The following DCC variants were observed in gnomAD, a reference collection of about 807,000 sequenced individuals.
DCC encodes the protein DCC netrin 1 receptor.
A neutral mutation model predicts 172.5 loss-of-function variants in DCC; 58 were observed. The ratio of observed to expected loss-of-function variants is 0.34; its 90% CI spans 0.27 to 0.42. The LOEUF (loss-of-function observed/expected upper bound fraction) is 0.42, where lower values mean the gene tolerates loss of function less well. Ranked by LOEUF, DCC falls within the 10% of genes least tolerant of loss-of-function variation. The probability of loss-of-function intolerance (pLI) is 1.00; values close to 1 mark genes in which losing one functional copy is unlikely to be tolerated. For missense variants in DCC, 1,740 were observed against 1,791.0 expected (o/e 0.97, Z 0.51); for synonymous variants, 709 against 644.5 (o/e 1.10, Z -1.52).
intron 2 of DCC, among the ~76,000 whole-genome samples, chr18:52,883,440 T>C (rs1052758202): frequency 6.6e-6 from 1 of 151,164 alleles, no homozygotes; most frequent in African/African-American, 2.4e-5. Context: ...TCTCTAGTGA[T>C]ATATTTTCTT....
intron 15 of DCC, among the ~76,000 whole-genome samples, chr18:53,341,092 G>A (rs181702341): frequency 9.8e-4 from 150 of 152,290 alleles, no homozygotes; most frequent in African/African-American, 3.5e-3. Context: ...TCCTGAGTTT[G>A]AATGTAAAGG....
At chr18:52,999,457 C>T (rs78328188) in intron 5 of DCC, among the ~76,000 whole-genome samples, 3,408 of 152,052 alleles carry the variant, frequency 0.022, 61 homozygotes, top group Admixed American at 0.039. Flanking sequence ...GGCTTCTGTG[C>T]GGATGGAGCA....
intron 1 of DCC, among the ~76,000 whole-genome samples, chr18:52,471,550 T>G (rs2144561612): frequency 6.6e-6 from 1 of 152,326 alleles, no homozygotes; most frequent in East Asian, 1.9e-4. Context: ...TTATTCTTCT[T>G]AAGAAACTTA....
intron 2 of DCC, among the ~76,000 whole-genome samples, chr18:52,872,813 G>T (rs1230503559): frequency 6.6e-6 from 1 of 152,096 alleles, no homozygotes; most frequent in African/African-American, 2.4e-5. Context: ...TAAAGAGAGG[G>T]CTTTGATCAC....
chr18:52,772,055 T>C (rs370227387), intron 2 of DCC, among the ~76,000 whole-genome samples: 146 of 152,144 alleles, frequency 9.6e-4, no homozygotes, highest in African/African-American at 3.5e-3. Context: ...TTTTTCCTAA[T>C]GTGGTTGTTT....
chr18:52,749,720 T>C (rs1256255992), intron 1 of DCC, among the ~76,000 whole-genome samples: 1 of 152,226 alleles, frequency 6.6e-6, no homozygotes, highest in Non-Finnish European at 1.5e-5. Flanking sequence ...TGGGCACATA[T>C]GCTCATTAAC....
chr18:53,519,302 G>A (rs1168657025), intron 27 of DCC, among the ~76,000 whole-genome samples: 1 of 151,994 alleles, frequency 6.6e-6, no homozygotes, highest in Non-Finnish European at 1.5e-5. Flanking sequence ...ATTTATTTGA[G>A]CACTCATTAA....
chr18:52,520,268 GGTCAAGACATTTCCTATGA>G (rs2031771023), intron 1 of DCC, among the ~76,000 whole-genome samples: 1 of 152,154 alleles, frequency 6.6e-6, no homozygotes, highest in African/African-American at 2.4e-5. Flanking sequence ...TCCTATGAAT[GGTCAAGACATTTCCTATGA>G]ATGGTCACTC....
chr18:52,453,497 G>T lies in DCC; in HGVS notation c.91+112619G>T, dbSNP rs140038523. Among the ~76,000 whole-genome samples the T allele has an allele frequency of 1.9e-3, 291 of 152,182 alleles. 1 individual carries two copies. Among genetic ancestry groups the T allele is most frequent in the African/African-American group, 6.8e-3 (282 of 41,518 alleles). On this transcript the variant is annotated intron_variant, in intron 1 of 28. Coordinates refer to ENST00000442544, the MANE Select transcript of DCC (RefSeq NM_005215.4). ...TCTTCATTAGTGGCTACCCATAAAA[G>T]GTTTTCATTACAAGATAAATGATTA... is the stretch of plus-strand genomic sequence containing the variant.
chr18:52,749,303 C>G (rs192231978), intron 1 of DCC, among the ~76,000 whole-genome samples: 1 of 152,186 alleles, frequency 6.6e-6, no homozygotes, highest in Admixed American at 6.5e-5. Flanking sequence ...GAACCAGCAG[C>G]CCAGTTTTCA....
chr18:52,582,369 T>C (rs2033568886), intron 1 of DCC, among the ~76,000 whole-genome samples: 1 of 152,194 alleles, frequency 6.6e-6, no homozygotes. Flanking sequence ...CATGCTGATG[T>C]AAAAAGTAGT....
rs2057938936 is a variant in DCC at position 53,361,001 on chromosome 18, T to A, written c.2359+21094T>A. Reference sequence around the variant, plus strand: ...TAGATGGAAAAGGGGTCTTAGCAGATGTCAATAAGTTAAGGAAGTCTAGAT... The same window carrying A: ...TAGATGGAAAAGGGGTCTTAGCAGAAGTCAATAAGTTAAGGAAGTCTAGAT... On this transcript the variant is annotated intron_variant, in intron 15 of 28. Transcript: ENST00000442544. Among the ~76,000 whole-genome samples the A allele has an allele frequency of 3.3e-5, 5 of 152,194 alleles. 1 individual carries two copies. In the South Asian group the frequency reaches 1.0e-3, roughly 32 times the overall value.
intron 1 of DCC, among the ~76,000 whole-genome samples, chr18:52,747,112 T>C (rs78927416): frequency 2.9e-3 from 436 of 152,230 alleles, no homozygotes; most frequent in East Asian, 0.021. Context: ...TTTAGAAATC[T>C]TCCCAAACCA....
chr18:53,312,153 C>CAAAA (rs895203731), intron 13 of DCC, among the ~76,000 whole-genome samples: 2 of 26,732 alleles, frequency 7.5e-5, no homozygotes, highest in African/African-American at 1.7e-4. Context: ...GCTAAAAATA[C>CAAAA]AAAAAAAAAA....
chr18:52,382,845 A>T (rs1257642104), intron 1 of DCC, among the ~76,000 whole-genome samples: 3 of 152,030 alleles, frequency 2.0e-5, no homozygotes, highest in Non-Finnish European at 4.4e-5. Flanking sequence ...CCTGTGTAGG[A>T]GGCAATCCAG....
chr18:52,487,810 C>CA (rs5824940), intron 1 of DCC, among the ~76,000 whole-genome samples: 34,002 of 74,246 alleles, frequency 0.46, 9,939 homozygotes, highest in East Asian at 0.57. Flanking sequence ...GACTCCACCT[C>CA]AAAAAAAAAA....
chr18:53,307,949 A>G (rs1350752489), intron 13 of DCC, among the ~76,000 whole-genome samples: 2 of 109,366 alleles, frequency 1.8e-5, no homozygotes, highest in African/African-American at 6.8e-5. Flanking sequence ...ATATATATAT[A>G]TGTATTTTAT....
At chr18:52,947,433 G>A (rs547687323) in intron 5 of DCC, among the ~76,000 whole-genome samples, 1 of 152,220 alleles carries the variant, frequency 6.6e-6, no homozygotes, top group African/African-American at 2.4e-5. Flanking sequence ...CCATGACTAC[G>A]AAATTCCCTA....
At chr18:53,412,377 G>A (rs998425889) in intron 20 of DCC, among the ~76,000 whole-genome samples, 21 of 151,902 alleles carry the variant, frequency 1.4e-4, no homozygotes, top group Non-Finnish European at 5.9e-5. Context: ...TAATAATTTT[G>A]TACATGTATA....
Sources: gnomAD v4.1 joint callset for allele counts (sites outside exome capture counted in the v4.1 genomes callset) on GRCh38, gnomAD v4.1.1 for gene constraint, MANE v1.5 for transcripts, NCBI Gene and HGNC (gene_info 2026-07-23, HGNC 2026-07-21) for gene names.